Variants in PLEKHD1 observed in about 807,000 individuals in gnomAD.
PLEKHD1 encodes pleckstrin homology domain-containing family D member 1.
PLEKHD1 carries 51 observed loss-of-function variants against 69.2 expected under a neutral mutation model. The observed-to-expected ratio is 0.74, with a 90% CI of 0.59 to 0.93. PLEKHD1 has a LOEUF of 0.93. Ranked by LOEUF, PLEKHD1 falls within the 40% of genes least tolerant of loss-of-function variation. The pLI, the probability that PLEKHD1 is intolerant of heterozygous loss-of-function variation, is 0.00. For missense variants in PLEKHD1, 584 were observed against 641.0 expected (o/e 0.91, Z 0.96); for synonymous variants, 236 against 244.7 (o/e 0.96, Z 0.33).
intron 6 of PLEKHD1, among the ~76,000 whole-genome samples, chr14:69,511,643 A>G (rs1030625993): frequency 6.6e-6 from 1 of 151,458 alleles, no homozygotes; most frequent in Non-Finnish European, 1.5e-5. Flanking sequence ...TCCTCCTGCC[A>G]GGTTCAAGGG....
chr14:69,512,407 A>C (rs1883290368), intron 6 of PLEKHD1, among the ~76,000 whole-genome samples: 1 of 147,924 alleles, frequency 6.8e-6, no homozygotes, highest in South Asian at 2.1e-4. Flanking sequence ...GCTCTGTTTT[A>C]TTTCTTTTTT....
At chr14:69,490,383 C>T (rs181264489) in intron 1 of PLEKHD1, among the ~76,000 whole-genome samples, 4 of 152,284 alleles carry the variant, frequency 2.6e-5, no homozygotes, top group African/African-American at 7.2e-5. Context: ...TGACAGGAGG[C>T]GGAGCTCAGG....
At chr14:69,506,746 T>C (rs138598528) in intron 6 of PLEKHD1, among the ~76,000 whole-genome samples, 88 of 152,266 alleles carry the variant, frequency 5.8e-4, no homozygotes, top group African/African-American at 1.9e-3. Flanking sequence ...GTTCATAGCA[T>C]ACATTAGGGT....
At chr14:69,487,354 T>C (rs1882677527) in intron 1 of PLEKHD1, among the ~76,000 whole-genome samples, 1 of 152,160 alleles carries the variant, frequency 6.6e-6, no homozygotes, top group Admixed American at 6.5e-5. Flanking sequence ...ATTTGTAAAG[T>C]AGAGTCTGTG....
chr14:69,517,994 T>TTTTATTTATTTA (rs572500099), intron 6 of PLEKHD1, among the ~76,000 whole-genome samples: 1 of 126,756 alleles, frequency 7.9e-6, no homozygotes, highest in African/African-American at 2.8e-5. Flanking sequence ...CCTGATCTGA[T>TTTTATTTATTTA]TTTATTTATT....
At chr14:69,500,305 G>A in intron 2 of PLEKHD1, 97 bp downstream of exon 2, 1 of 1,056,760 alleles carries the variant, frequency 9.5e-7, no homozygotes, top group South Asian at 1.5e-5. Context: ...TCTTGCTCTG[G>A]CCTAGCAGAG....
At chr14:69,480,957 A>C (rs956716925), upstream of PLEKHD1, among the ~76,000 whole-genome samples, 2 of 152,236 alleles carry the variant, frequency 1.3e-5, no homozygotes, top group Non-Finnish European at 2.9e-5. Flanking sequence ...GCAGCCTGAA[A>C]TATAAGATTG....
chr14:69,525,911 G>C (rs535008742), intron 8 of PLEKHD1, 33 bp from the exon 9 acceptor site: 1 of 1,537,166 alleles, frequency 6.5e-7, no homozygotes, highest in African/African-American at 1.4e-5. Context: ...ACCTAAATTG[G>C]GCTTTTCTTT....
chr14:69,484,865 C>T lies in PLEKHD1; in HGVS notation c.-101C>T. ...CCGGGCCGCTCTGCTTCTCTGCTCG[C>T]TGGGACGCTCTCCGACGGCTCCGCC... On this transcript the variant is annotated 5_prime_UTR_variant, in exon 1 of 13. Transcript: ENST00000322564. 3 of 1,385,070 alleles carry T rather than the reference C, an allele frequency of 2.2e-6. No individual in the cohort carries two copies. The highest frequency in any genetic ancestry group is 2.3e-4 in the Middle Eastern group (1 of 4,390). The allele number at this position is 1,385,070 out of a possible 1,614,324, so 85.8% of individuals were successfully genotyped here.
chr14:69,498,597 T>TCTTCTCTTCTCTTCTCTTCC (rs1372232274), intron 1 of PLEKHD1, among the ~76,000 whole-genome samples: 2,473 of 94,770 alleles, frequency 0.026, 65 homozygotes, highest in Non-Finnish European at 0.035. Context: ...TTTTCTCTTC[T>TCTTCTCTTCTCTTCTCTTCC]CTTCTCTTCT....
At chr14:69,471,091 T>C in the PLEKHD1 span, among the ~76,000 whole-genome samples, 12 of 7,850 alleles carry the variant, frequency 1.5e-3, no homozygotes, top group Non-Finnish European at 3.0e-3. Flanking sequence ...GTGCCTGGCC[T>C]TTTTTTTTTT....
At chr14:69,525,202 A>C (rs1253921210) in intron 8 of PLEKHD1, among the ~76,000 whole-genome samples, 1 of 152,124 alleles carries the variant, frequency 6.6e-6, no homozygotes, top group Admixed American at 6.6e-5. Context: ...CTGTGTCTTC[A>C]TGGTCTCTCC....
Position 69,522,382 on chromosome 14 carries a change from T to G in PLEKHD1, c.650+5T>G. ...GGAGCAGGAGCAGATCAAGAGGTGG[T>G]GGTGGTGCCTGGGAATTGGGGGTGC... On this transcript the variant is annotated splice_donor_5th_base_variant and intron_variant, in intron 7 of 12. Transcript: ENST00000322564. The G allele has an allele frequency of 6.4e-7, 1 of 1,551,066 alleles. No individual in the cohort carries two copies. The highest frequency in any genetic ancestry group is 1.4e-5 in the African/African-American group (1 of 73,024).
chr14:69,523,602 A>G (rs940998723), intron 7 of PLEKHD1, among the ~76,000 whole-genome samples: 5 of 152,158 alleles, frequency 3.3e-5, no homozygotes, highest in Non-Finnish European at 7.3e-5. Flanking sequence ...ACATTAGTGT[A>G]ATAATATGTA....
At chr14:69,503,165 A>T (rs1371150099) in intron 6 of PLEKHD1, 1 of 447,818 alleles carries the variant, frequency 2.2e-6, no homozygotes, top group Non-Finnish European at 4.2e-6. Context: ...ATCAGTTGGT[A>T]ATGAGCTGCT....
chr14:69,471,851 TCTC>T, the PLEKHD1 span, among the ~76,000 whole-genome samples: 2 of 152,184 alleles, frequency 1.3e-5, no homozygotes, highest in Admixed American at 6.5e-5. Flanking sequence ...GACTTTGTCT[TCTC>T]CTTCATAATC....
chr14:69,519,434 C>T (rs145301531), intron 6 of PLEKHD1, among the ~76,000 whole-genome samples: 9 of 152,202 alleles, frequency 5.9e-5, no homozygotes, highest in African/African-American at 1.7e-4. Flanking sequence ...TCATGGGTGC[C>T]TGTTTCTCTG....
intron 1 of PLEKHD1, among the ~76,000 whole-genome samples, chr14:69,488,833 G>A (rs1385115265): frequency 2.6e-5 from 4 of 152,196 alleles, no homozygotes; most frequent in South Asian, 2.1e-4. Flanking sequence ...CCAAGCTCAC[G>A]ATAGGAAACT....
Position 69,527,248 on chromosome 14 carries a change from C to G in PLEKHD1, c.1117C>G (p.Arg373Gly), listed in dbSNP as rs1329170612. ...TCTCCGGGAGGCAGAAGGGGCCTTGCGAAGCCTGGAACAGGGGCTGAATTC... is the reference window on the plus strand; with the variant it reads ...TCTCCGGGAGGCAGAAGGGGCCTTGGGAAGCCTGGAACAGGGGCTGAATTC... ...RRLREAEGAL[R>G]SLEQGLNSKV... is the part of the protein sequence containing the mutation. Residue 373 changes from arginine to glycine, a missense_variant, in exon 11 of 13, where the codon CGA (arginine) becomes GGA (glycine). Coordinates refer to ENST00000322564, the MANE Select transcript of PLEKHD1 (RefSeq NM_001161498.2). The G allele has an allele frequency of 6.4e-7, 1 of 1,551,542 alleles. No homozygotes were observed. The highest frequency in any genetic ancestry group is 8.7e-7 in the Non-Finnish European group (1 of 1,146,976).
Sources: allele counts gnomAD v4.1 joint callset (sites outside exome capture counted in the v4.1 genomes callset), GRCh38; gene constraint gnomAD v4.1.1; transcripts MANE v1.5; gene names NCBI Gene and HGNC (gene_info 2026-07-23, HGNC 2026-07-21).